ETV6: variants seen among roughly 807,000 people sequenced by gnomAD.
ETV6 encodes the protein transcription factor ETV6.
ETV6 carries 16 observed loss-of-function variants against 51.1 expected under a neutral mutation model. The observed-to-expected ratio is 0.31, with a 90% CI of 0.21 to 0.48. ETV6 has a LOEUF of 0.48. Ranked by LOEUF, ETV6 falls within the 20% of genes least tolerant of loss-of-function variation. The pLI is 0.99. For missense variants in ETV6, 458 were observed against 594.8 expected, an observed-to-expected ratio of 0.77 and a Z score of 2.39; for synonymous variants, 240 against 224.1, an observed-to-expected ratio of 1.07 and a Z score of -0.64.
At chr12:11,659,934 A>AGAG (rs748274873) in intron 1 of ETV6, among the ~76,000 whole-genome samples, 1 of 152,160 alleles carries the variant, frequency 6.6e-6, no homozygotes, top group Non-Finnish European at 1.5e-5. Context: ...CAAGGGATGA[A>AGAG]GAGGAGTTGG....
chr12:11,807,514 G>T (rs1268886725), intron 2 of ETV6, among the ~76,000 whole-genome samples: 7 of 152,168 alleles, frequency 4.6e-5, no homozygotes, highest in African/African-American at 1.7e-4. Flanking sequence ...GGCTGAGTTT[G>T]CAACTGTGCT....
At chr12:11,827,067 G>GTC (rs199697424) in intron 2 of ETV6, among the ~76,000 whole-genome samples, 5,136 of 109,684 alleles carry the variant, frequency 0.047, 125 homozygotes, top group African/African-American at 0.061. Flanking sequence ...AGAGAAGTCT[G>GTC]TCTCACACAC....
intron 3 of ETV6, among the ~76,000 whole-genome samples, chr12:11,841,900 G>A (rs1946395865): frequency 6.6e-6 from 1 of 151,934 alleles, no homozygotes; most frequent in Non-Finnish European, 1.5e-5. Flanking sequence ...GGCTAAAACG[G>A]TGAAACCCCG....
chr12:11,817,089 C>T (rs531927599), intron 2 of ETV6, among the ~76,000 whole-genome samples: 15 of 152,284 alleles, frequency 9.9e-5, no homozygotes, highest in Middle Eastern at 3.4e-3. Flanking sequence ...CTGCAAACCC[C>T]GGTTCCAGCA....
chr12:11,680,706 T>C (rs1864511126), intron 1 of ETV6, among the ~76,000 whole-genome samples: 1 of 152,178 alleles, frequency 6.6e-6, no homozygotes. Flanking sequence ...TCCCCAGGCG[T>C]TGGTGATCTA....
At chr12:11,712,469 G>A (rs1410465361) in intron 1 of ETV6, among the ~76,000 whole-genome samples, 1 of 152,206 alleles carries the variant, frequency 6.6e-6, no homozygotes, top group Non-Finnish European at 1.5e-5. Context: ...CGTAGATGGG[G>A]ATGGTATTAC....
At chr12:11,859,789 C>T (rs1209597669) in intron 4 of ETV6, among the ~76,000 whole-genome samples, 1 of 152,100 alleles carries the variant, frequency 6.6e-6, no homozygotes, top group African/African-American at 2.4e-5. Flanking sequence ...AGACGAGTAG[C>T]AGTAGTGGAG....
Position 11,824,105 on chromosome 12 carries a change from A to T in ETV6, c.164-15035A>T, listed in dbSNP as rs140315334. On this transcript the variant is annotated intron_variant, in intron 2 of 7. Coordinates refer to ENST00000396373, the MANE Select transcript of ETV6 (RefSeq NM_001987.5). The stretch of plus-strand genomic sequence containing the variant: ...CCAAAGGGGCTCTGTGTTTCCCAGC[A>T]TGAAGTCTTCAGTGACAGAGTCTGG... Among the ~76,000 whole-genome samples the T allele has an allele frequency of 3.3e-3, 506 of 152,324 alleles. 3 individuals carry two copies. Among genetic ancestry groups the T allele is most frequent in the South Asian group, 0.012 (60 of 4,826 alleles).
intron 2 of ETV6, among the ~76,000 whole-genome samples, chr12:11,763,845 G>T (rs1945126563): frequency 6.6e-6 from 1 of 152,254 alleles, no homozygotes; most frequent in Admixed American, 6.5e-5. Context: ...TTGAGATTCA[G>T]AAAGTGGCTG....
rs144782370 is a variant in ETV6 at position 11,869,700 on chromosome 12, C to T, written c.740C>T (p.Ala247Val). ...VSPMENNHCP[A>V]SSESHPKPSS... is the part of the protein sequence containing the mutation. ...CCCATGGAGAATAATCACTGCCCAG[C>T]GTCCTCCGAGTCCCACCCGAAGCCA... The change falls in exon 5 of 8, where the codon GCG becomes GTG. Residue 247 changes from alanine to valine, a missense_variant. Physicochemically the swap from Ala to Val is moderately conservative, Grantham distance 64. Coordinates refer to ENST00000396373, the MANE Select transcript of ETV6 (RefSeq NM_001987.5). This position sits in a 1 kb window ranked among gnomAD's most constrained non-coding sequence, Gnocchi z 5.0. 5.6e-6 allele frequency: 9 copies of T among 1,613,964 alleles called. No homozygotes were observed. Among genetic ancestry groups the T allele is most frequent in the Non-Finnish European group, 6.8e-6 (8 of 1,180,042 alleles).
At chr12:11,724,235 T>C (rs1391761935) in intron 1 of ETV6, among the ~76,000 whole-genome samples, 1 of 152,196 alleles carries the variant, frequency 6.6e-6, no homozygotes, top group Non-Finnish European at 1.5e-5. Context: ...TTTGCACCAT[T>C]GATGTGGCCA....
intron 1 of ETV6, among the ~76,000 whole-genome samples, chr12:11,736,721 G>A (rs919139246): frequency 6.6e-6 from 1 of 152,212 alleles, no homozygotes; most frequent in African/African-American, 2.4e-5. Context: ...AGGGCGGTGA[G>A]CGCATCTACT....
At position 11,893,214 on chromosome 12, in the gene ETV6, T is replaced by G. The variant is rs1217092614; in HGVS notation, c.*2168T>G. On this transcript the variant is annotated 3_prime_UTR_variant, in exon 8 of 8. Coordinates refer to ENST00000396373, the MANE Select transcript of ETV6 (RefSeq NM_001987.5). ...TGATGTATTGTGAAAGCCACTGATT[T>G]TAAGAATGGAGAGAAAGGGATTTTT... The G allele has an allele frequency of 4.3e-6, 1 of 232,650 alleles. No individual in the cohort carries two copies. Among genetic ancestry groups the G allele is most frequent in the Non-Finnish European group, 8.5e-6 (1 of 117,798 alleles). 14.4% of individuals were successfully genotyped at this position (232,650 alleles called of 1,614,324 possible). A position where few individuals can be genotyped will look rare whatever the true frequency, so the allele number is the denominator to read the frequency against.
chr12:11,694,563 C>T (rs980670757), intron 1 of ETV6, among the ~76,000 whole-genome samples: 4 of 152,226 alleles, frequency 2.6e-5, no homozygotes, highest in African/African-American at 7.2e-5. Flanking sequence ...ATGGGCACCA[C>T]TCTGCCTAAA....
chr12:11,650,548 T>G (rs1222293952), intron 1 of ETV6, among the ~76,000 whole-genome samples: 1 of 144,008 alleles, frequency 6.9e-6, no homozygotes, highest in Non-Finnish European at 1.5e-5. Flanking sequence ...AACATGTGAC[T>G]GAAATATAAC....
intron 4 of ETV6, among the ~76,000 whole-genome samples, chr12:11,859,135 T>G (rs1269760933): frequency 1.1e-5 from 1 of 92,626 alleles, no homozygotes; most frequent in African/African-American, 5.1e-5. Flanking sequence ...TTTTTTTTTT[T>G]TTTTTTTTTT....
intron 2 of ETV6, among the ~76,000 whole-genome samples, chr12:11,835,953 A>C (rs1258008259): frequency 6.6e-6 from 1 of 152,190 alleles, no homozygotes; most frequent in Non-Finnish European, 1.5e-5. Flanking sequence ...CAGTTTCCTA[A>C]TCTGAATCCC....
At chr12:11,692,628 A>G (rs934813253) in intron 1 of ETV6, among the ~76,000 whole-genome samples, 9 of 152,088 alleles carry the variant, frequency 5.9e-5, no homozygotes, top group South Asian at 2.1e-4. Flanking sequence ...AATCAGGTCA[A>G]TTCTTTGCAT....
At chr12:11,873,181 T>C (rs1946910763) in intron 5 of ETV6, among the ~76,000 whole-genome samples, 1 of 152,214 alleles carries the variant, frequency 6.6e-6, no homozygotes, top group African/African-American at 2.4e-5. Context: ...AGGCATTGTT[T>C]TTCTCCGAAG....
Sources: allele counts gnomAD v4.1 joint callset (sites outside exome capture counted in the v4.1 genomes callset), GRCh38; gene constraint gnomAD v4.1.1; non-coding constraint Gnocchi (gnomAD v3.1); transcripts MANE v1.5; gene names NCBI Gene and HGNC (gene_info 2026-07-23, HGNC 2026-07-21).